The following PKP1 variants were observed in gnomAD, a reference collection of about 807,000 sequenced individuals.
The protein encoded by PKP1 is plakophilin-1.
Under a neutral mutation model 76.4 loss-of-function variants are expected in PKP1, and 27 were observed. That is an observed-to-expected ratio of 0.35 (90% CI 0.26 to 0.49). The LOEUF (loss-of-function observed/expected upper bound fraction) is 0.49, where lower values mean the gene tolerates loss of function less well. Ranked by LOEUF, PKP1 falls within the 20% of genes least tolerant of loss-of-function variation. The pLI is 0.99. For missense variants in PKP1, 964 were observed against 955.2 expected, an observed-to-expected ratio of 1.01 and a Z score of -0.12; for synonymous variants, 404 against 384.2, an observed-to-expected ratio of 1.05 and a Z score of -0.60.
At chr1:201,319,938 A>G (rs543915583) in intron 6 of PKP1, 1 of 1,543,908 alleles carries the variant, frequency 6.5e-7, no homozygotes, top group East Asian at 2.2e-5. Context: ...TGCCAGTTAT[A>G]AAGTTACTGG....
At chr1:201,324,110 C>T (rs1415961079) in intron 9 of PKP1, among the ~76,000 whole-genome samples, 1 of 152,162 alleles carries the variant, frequency 6.6e-6, no homozygotes, top group East Asian at 1.9e-4. Flanking sequence ...AGCGCTGAGA[C>T]AGTGGGGTGA....
rs775941545 is a variant in PKP1 at position 201,325,120 on chromosome 1, C to T, written c.2014C>T (p.Arg672Ter). 3.1e-6 allele frequency: 5 copies of T among 1,613,544 alleles called. No individual in the cohort carries two copies. The highest frequency in any genetic ancestry group is 1.1e-5 in the South Asian group (1 of 91,046). The stretch of plus-strand genomic sequence containing the variant: ...GCTCAACAACATCATCAACCTGTGC[C>T]GAAGCAGGTGGGCGGGGGGTTGCTC... ...SMLNNIINLC[R>*]SSASPKAAEA... The change falls in exon 11 of 14, where the codon CGA (arginine) becomes TGA (stop). Residue 672 changes from arginine (R) to a stop codon, truncating the protein, a stop_gained. Transcript: ENST00000367324. LOFTEE classifies it high-confidence loss of function.
chr1:201,324,704 G>A lies in PKP1; in HGVS notation c.1834+123G>A, dbSNP rs1657056884. 6.2e-6 allele frequency: 8 copies of A among 1,292,326 alleles called. No homozygotes were observed. The Admixed American group carries it at 1.3e-4, about 21-fold the overall frequency. The allele number at this position is 1,292,326 out of a possible 1,614,324, so 80.1% of individuals were successfully genotyped here. On this transcript the variant is annotated intron_variant, in intron 10 of 13. Coordinates refer to ENST00000367324, the MANE Select transcript of PKP1 (RefSeq NM_001005337.3). Reference sequence around the variant, plus strand: ...ATGAGCATTCCAAGAAAGGAAGCTGGCCAAAGACAGGTATGGAGACAGGAG... The same window carrying A: ...ATGAGCATTCCAAGAAAGGAAGCTGACCAAAGACAGGTATGGAGACAGGAG...
chr1:201,315,320 G>A (rs1656691155), intron 3 of PKP1, among the ~76,000 whole-genome samples: 1 of 152,256 alleles, frequency 6.6e-6, no homozygotes. Flanking sequence ...AGAGAACTCT[G>A]CACCTCGGGT....
At chr1:201,327,761 T>C (rs1406803067) in intron 12 of PKP1, among the ~76,000 whole-genome samples, 1 of 152,002 alleles carries the variant, frequency 6.6e-6, no homozygotes, top group Non-Finnish European at 1.5e-5. Context: ...CATGATCTAG[T>C]TGGTGCGTCT....
intron 2 of PKP1, among the ~76,000 whole-genome samples, chr1:201,302,809 G>T (rs1656273699): frequency 6.6e-6 from 1 of 152,250 alleles, no homozygotes; most frequent in Admixed American, 6.5e-5. Context: ...ATGAAGACAG[G>T]CTGGGAAGGA....
chr1:201,285,934 G>A (rs1012165959), intron 1 of PKP1, among the ~76,000 whole-genome samples: 14 of 152,230 alleles, frequency 9.2e-5, no homozygotes, highest in East Asian at 3.9e-4. Context: ...CCCTGTGGGC[G>A]TGTCCCCTCT....
intron 3 of PKP1, among the ~76,000 whole-genome samples, chr1:201,315,739 T>G (rs193102869): frequency 6.6e-6 from 1 of 152,360 alleles, no homozygotes; most frequent in Non-Finnish European, 1.5e-5. Flanking sequence ...TGATTCAACC[T>G]AATACCTGCC....
chr1:201,303,839 T>A (rs1168675796), intron 2 of PKP1, among the ~76,000 whole-genome samples: 1 of 152,168 alleles, frequency 6.6e-6, no homozygotes, highest in Non-Finnish European at 1.5e-5. Context: ...CCGGGTCATA[T>A]GCTAATGGCT....
rs755962486 is a variant in PKP1 at position 201,313,493 on chromosome 1, C to A, written c.634C>A (p.Pro212Thr). 4.3e-6 allele frequency: 7 copies of A among 1,613,938 alleles called. No homozygotes were observed. Among genetic ancestry groups the A allele is most frequent in the Non-Finnish European group, 5.1e-6 (6 of 1,179,998 alleles). Residue 212 changes from proline (P) to threonine (T), a missense_variant, in exon 3 of 14, where the codon CCT becomes ACT. Pro to Thr is a conservative substitution (Grantham distance 38). Transcript: ENST00000367324. ...RPPSCASKQD[P>T]VYIPPISCNK... ...GCCCTCTTGTGCCTCCAAGCAGGAC[C>A]CTGTGTATATCCCGCCCATCTCCTG...
chr1:201,283,650 T>A lies in PKP1; in HGVS notation c.-53T>A, dbSNP rs1186494878. The A allele has an allele frequency of 5.3e-6, 8 of 1,508,518 alleles. No individual in the cohort carries two copies. In the Admixed American group the frequency reaches 1.4e-4, roughly 27 times the overall value. The allele number at this position is 1,508,518 out of a possible 1,614,324, so 93.4% of individuals were successfully genotyped here. A position where few individuals can be genotyped will look rare whatever the true frequency, so the allele number is the denominator to read the frequency against. On this transcript the variant is annotated 5_prime_UTR_variant, in exon 1 of 14. Transcript: ENST00000367324. ...CCCGCCCGCTGCACCGCACCTCGCCTCGCCTCTCTGCTCTCCTAGGCCCCG... is the reference window on the plus strand; with the variant it reads ...CCCGCCCGCTGCACCGCACCTCGCCACGCCTCTCTGCTCTCCTAGGCCCCG...
In PKP1 at chr1:201,283,588, G is replaced by A. The variant is rs2102402056; in HGVS notation, c.-115G>A. The A allele has an allele frequency of 1.1e-6, 1 of 926,450 alleles. No homozygotes were observed. The highest frequency in any genetic ancestry group is 1.7e-6 in the Non-Finnish European group (1 of 587,816). 57.4% of individuals were successfully genotyped at this position (926,450 alleles called of 1,614,324 possible). On this transcript the variant is annotated 5_prime_UTR_variant, in exon 1 of 14. Coordinates refer to ENST00000367324, the MANE Select transcript of PKP1 (RefSeq NM_001005337.3). ...CACGCGGACCACGCACTCTATGGCC[G>A]TAGGGAGCCGCTGAGAGCGAGAAGA...
intron 4 of PKP1, among the ~76,000 whole-genome samples, chr1:201,317,281 T>C (rs1656780383): frequency 6.6e-6 from 1 of 152,138 alleles, no homozygotes; most frequent in Non-Finnish European, 1.5e-5. Context: ...CTCACCATCA[T>C]TCTCCAGAGG....
chr1:201,313,392 A>G lies in PKP1; in HGVS notation c.533A>G (p.Lys178Arg), dbSNP rs1311567348. ...RKGTLGSKGQ[K>R]TTQNRYSFYS... is the part of the protein sequence containing the mutation. Reference sequence around the variant, plus strand: ...GGCACGCTGGGCAGCAAGGGCCAGAAGACCACCCAGAACCGCTACAGCTTT... The same window carrying G: ...GGCACGCTGGGCAGCAAGGGCCAGAGGACCACCCAGAACCGCTACAGCTTT... Residue 178 changes from lysine (K) to arginine (R), a missense_variant, in exon 3 of 14, where the codon AAG becomes AGG. Physicochemically the swap from Lys to Arg is conservative, Grantham distance 26 (BLOSUM62 2). Coordinates refer to ENST00000367324, the MANE Select transcript of PKP1 (RefSeq NM_001005337.3). The G allele has an allele frequency of 2.5e-6, 4 of 1,584,016 alleles. No individual in the cohort carries two copies. The highest frequency in any genetic ancestry group is 1.3e-5 in the African/African-American group (1 of 74,648).
At chr1:201,306,339 G>A (rs569066157) in intron 2 of PKP1, among the ~76,000 whole-genome samples, 9 of 152,348 alleles carry the variant, frequency 5.9e-5, no homozygotes, top group Middle Eastern at 3.4e-3. Context: ...GCACAAGTGC[G>A]TGTTGTCCCC....
Position 201,317,559 on chromosome 1 carries a change from T to G in PKP1, c.847-13T>G. On this transcript the variant is annotated splice_polypyrimidine_tract_variant and intron_variant, in intron 4 of 13. Coordinates refer to ENST00000367324, the MANE Select transcript of PKP1 (RefSeq NM_001005337.3). ...TCCCTTGACCAGGCAGCGTGGCAAC[T>G]CTTTCCTGGCAGGTCTATCAGCTGG... 6.2e-7 allele frequency: 1 copy of G among 1,611,472 alleles called. No individual in the cohort carries two copies. Among genetic ancestry groups the G allele is most frequent in the Non-Finnish European group, 8.5e-7 (1 of 1,177,810 alleles).
chr1:201,321,107 C>G (rs1392456633), intron 7 of PKP1, among the ~76,000 whole-genome samples: 7 of 152,144 alleles, frequency 4.6e-5, no homozygotes, highest in Admixed American at 4.6e-4. Context: ...CATCACAGCA[C>G]CTGGGTTCTC....
chr1:201,329,109 C>T (rs933637034), intron 13 of PKP1, among the ~76,000 whole-genome samples: 2 of 152,178 alleles, frequency 1.3e-5, no homozygotes, highest in African/African-American at 4.8e-5. Context: ...CTGGGCAGGA[C>T]TGCTAGGTAC....
chr1:201,296,724 G>C (rs892083416), intron 2 of PKP1, among the ~76,000 whole-genome samples: 1 of 152,204 alleles, frequency 6.6e-6, no homozygotes, highest in Non-Finnish European at 1.5e-5. Context: ...CTGTACTGGA[G>C]CATAACACCA....
Sources: gnomAD v4.1 joint callset for allele counts (sites outside exome capture counted in the v4.1 genomes callset) on GRCh38, gnomAD v4.1.1 for gene constraint, MANE v1.5 for transcripts, NCBI Gene and HGNC (gene_info 2026-07-23, HGNC 2026-07-21) for gene names.